CTNNA3: variants seen among roughly 807,000 people sequenced by gnomAD.
The protein encoded by CTNNA3 is catenin alpha 3.
In CTNNA3, 76 loss-of-function variants were observed where a neutral mutation model predicts 95.7. That is an observed-to-expected ratio of 0.79 (90% CI 0.66 to 0.96). CTNNA3 has a LOEUF of 0.96. Ranked by LOEUF, CTNNA3 falls within the 40% of genes least tolerant of loss-of-function variation. CTNNA3 has a pLI of 0.00. For missense variants in CTNNA3, 1,191 were observed against 1,089.8 expected, an observed-to-expected ratio of 1.09 and a Z score of -1.31; for synonymous variants, 431 against 374.4, an observed-to-expected ratio of 1.15 and a Z score of -1.74.
At chr10:66,675,043 T>C (rs2132482889) in intron 9 of CTNNA3, among the ~76,000 whole-genome samples, 1 of 152,160 alleles carries the variant, frequency 6.6e-6, no homozygotes, top group South Asian at 2.1e-4. Flanking sequence ...GGGCCTCTTG[T>C]GTGATTCTCT....
chr10:66,980,602 C>T (rs1406583251), intron 7 of CTNNA3, among the ~76,000 whole-genome samples: 2 of 152,126 alleles, frequency 1.3e-5, no homozygotes, highest in East Asian at 1.9e-4. Flanking sequence ...TGAGTAGCAA[C>T]GTGGCAGATG....
chr10:66,753,357 T>C (rs766060071), intron 9 of CTNNA3, among the ~76,000 whole-genome samples: 1 of 152,016 alleles, frequency 6.6e-6, no homozygotes. Context: ...GGTTGCAAGA[T>C]TCAAAATTAA....
chr10:66,173,755 G>A (rs1042796707), intron 13 of CTNNA3, among the ~76,000 whole-genome samples: 9 of 152,076 alleles, frequency 5.9e-5, no homozygotes, highest in Admixed American at 5.9e-4. Context: ...AAGGAACACA[G>A]AGAATTTAGG....
chr10:66,054,433 G>A (rs2080031538), intron 15 of CTNNA3, among the ~76,000 whole-genome samples: 1 of 152,088 alleles, frequency 6.6e-6, no homozygotes, highest in South Asian at 2.1e-4. Context: ...ACTGGGGTGA[G>A]GTGACCTCAA....
intron 7 of CTNNA3, among the ~76,000 whole-genome samples, chr10:67,001,543 A>C (rs1564823505): frequency 6.6e-6 from 1 of 151,916 alleles, no homozygotes; most frequent in Non-Finnish European, 1.5e-5. Context: ...TTGAAGTAAA[A>C]CTTTCTAATT....
At chr10:67,303,217 A>G (rs1255282035) in intron 5 of CTNNA3, among the ~76,000 whole-genome samples, 1 of 152,252 alleles carries the variant, frequency 6.6e-6, no homozygotes, top group South Asian at 2.1e-4. Flanking sequence ...ATTTGAAACC[A>G]GAGAAAGCCA....
At chr10:66,781,299 T>A (rs1370335781) in intron 7 of CTNNA3, among the ~76,000 whole-genome samples, 1 of 152,210 alleles carries the variant, frequency 6.6e-6, no homozygotes, top group African/African-American at 2.4e-5. Flanking sequence ...GCATTTTCCT[T>A]TTAATGGTAA....
At chr10:67,553,733 C>T (rs1387239229) in intron 3 of CTNNA3, among the ~76,000 whole-genome samples, 1 of 151,644 alleles carries the variant, frequency 6.6e-6, no homozygotes, top group Non-Finnish European at 1.5e-5. Context: ...TTTTGAGGGT[C>T]AAATGACCAG....
chr10:67,415,552 T>C (rs1463157963), intron 5 of CTNNA3, among the ~76,000 whole-genome samples: 1 of 152,218 alleles, frequency 6.6e-6, no homozygotes, highest in Non-Finnish European at 1.5e-5. Flanking sequence ...AGAATCAATA[T>C]TGTTAAAATG....
At chr10:65,992,698 C>T (rs1230100067) in intron 15 of CTNNA3, among the ~76,000 whole-genome samples, 1 of 151,810 alleles carries the variant, frequency 6.6e-6, no homozygotes, top group East Asian at 1.9e-4. Flanking sequence ...CAATTTGTTG[C>T]TTTGTTGATC....
intron 3 of CTNNA3, among the ~76,000 whole-genome samples, chr10:67,602,841 A>G (rs890090996): frequency 3.3e-5 from 5 of 152,244 alleles, no homozygotes; most frequent in African/African-American, 1.2e-4. Context: ...CCCTTACCAA[A>G]GAATCAACAG....
intron 7 of CTNNA3, among the ~76,000 whole-genome samples, chr10:67,042,302 G>C (rs555902071): frequency 5.0e-4 from 76 of 152,158 alleles, no homozygotes; most frequent in African/African-American, 1.8e-3. Context: ...CATTTGAGAG[G>C]CAGGACAGAC....
chr10:65,921,865 A>T (rs2077091951), intron 17 of CTNNA3, among the ~76,000 whole-genome samples: 2 of 152,242 alleles, frequency 1.3e-5, no homozygotes, highest in Admixed American at 6.5e-5. Context: ...GCACAAAAGC[A>T]ATTTTTGAAA....
intron 16 of CTNNA3, among the ~76,000 whole-genome samples, chr10:65,983,721 C>A: frequency 6.6e-6 from 1 of 151,272 alleles, no homozygotes; most frequent in Non-Finnish European, 1.5e-5. Context: ...CATTTTGAGA[C>A]AATTCTGAAG....
At chr10:67,160,045 T>TA (rs983615431) in intron 7 of CTNNA3, among the ~76,000 whole-genome samples, 14 of 150,902 alleles carry the variant, frequency 9.3e-5, no homozygotes, top group East Asian at 3.9e-4. Context: ...AATAACCCAA[T>TA]AAAAAAAATG....
intron 5 of CTNNA3, among the ~76,000 whole-genome samples, chr10:67,485,664 G>C (rs1367072135): frequency 7.2e-5 from 11 of 152,104 alleles, no homozygotes; most frequent in Admixed American, 2.6e-4. Flanking sequence ...CTCATCCTTG[G>C]CTTTTTGTTT....
chr10:66,442,837 A>C (rs1163266812), intron 11 of CTNNA3, among the ~76,000 whole-genome samples: 1 of 152,124 alleles, frequency 6.6e-6, no homozygotes, highest in Non-Finnish European at 1.5e-5. Context: ...TGCACCATGC[A>C]CGAGCCAAAG....
intron 5 of CTNNA3, among the ~76,000 whole-genome samples, chr10:67,297,875 A>C (rs1251319440): frequency 6.6e-6 from 1 of 152,250 alleles, no homozygotes; most frequent in Non-Finnish European, 1.5e-5. Context: ...TGCTTTTTAA[A>C]TGGAAAATAG....
At chr10:66,349,031 A>G (rs1412242268) in intron 12 of CTNNA3, among the ~76,000 whole-genome samples, 1 of 152,044 alleles carries the variant, frequency 6.6e-6, no homozygotes, top group African/African-American at 2.4e-5. Flanking sequence ...CAAACAGAAA[A>G]CGGAAAAGTT....
Sources: gnomAD v4.1 joint callset for allele counts (sites outside exome capture counted in the v4.1 genomes callset) on GRCh38, gnomAD v4.1.1 for gene constraint, MANE v1.5 for transcripts, NCBI Gene and HGNC (gene_info 2026-07-23, HGNC 2026-07-21) for gene names.